Variants in NRG3 observed in about 807,000 individuals in gnomAD.
NRG3 encodes neuregulin 3.
NRG3 carries 31 observed loss-of-function variants against 66.9 expected under a neutral mutation model. The ratio of observed to expected loss-of-function variants is 0.46; its 90% CI spans 0.35 to 0.63. The LOEUF (loss-of-function observed/expected upper bound fraction) is 0.63, where lower values mean the gene tolerates loss of function less well. NRG3 is among the 20% of genes least tolerant of loss of function. The pLI is 0.00. For synonymous variants in NRG3, 393 were observed against 359.4 expected, an observed-to-expected ratio of 1.09 and a Z score of -1.06; for missense variants, 910 against 878.9, an observed-to-expected ratio of 1.04 and a Z score of -0.45.
chr10:82,694,096 T>C (rs2055173560), intron 2 of NRG3, among the ~76,000 whole-genome samples: 1 of 152,198 alleles, frequency 6.6e-6, no homozygotes, highest in South Asian at 2.1e-4. Context: ...CACGGAGCGC[T>C]GATTGGTGCG....
chr10:82,842,519 G>T (rs1376394892), intron 3 of NRG3, among the ~76,000 whole-genome samples: 1 of 152,150 alleles, frequency 6.6e-6, no homozygotes, highest in Non-Finnish European at 1.5e-5. Flanking sequence ...CTTCCTGTGT[G>T]CCTGAGAGGG....
intron 3 of NRG3, among the ~76,000 whole-genome samples, chr10:82,848,717 A>G (rs1345036961): frequency 1.3e-5 from 2 of 152,148 alleles, no homozygotes; most frequent in East Asian, 3.9e-4. Flanking sequence ...CATAATCCCC[A>G]CATATCATGG....
chr10:82,863,433 CA>C (rs1303689252), intron 3 of NRG3, among the ~76,000 whole-genome samples: 2 of 152,160 alleles, frequency 1.3e-5, no homozygotes, highest in African/African-American at 4.8e-5. Context: ...GAGGAATCGC[CA>C]CACTGCCTTC....
chr10:82,227,727 A>C (rs750383643), intron 1 of NRG3, among the ~76,000 whole-genome samples: 16 of 152,230 alleles, frequency 1.1e-4, no homozygotes, highest in Non-Finnish European at 1.9e-4. Flanking sequence ...AATATAAAAA[A>C]CATGGTGTTG....
At chr10:82,690,385 C>G (rs1458854124) in intron 2 of NRG3, among the ~76,000 whole-genome samples, 1 of 151,888 alleles carries the variant, frequency 6.6e-6, no homozygotes, top group Non-Finnish European at 1.5e-5. Flanking sequence ...AGGATTGCCC[C>G]CTTCAGCTCC....
intron 1 of NRG3, among the ~76,000 whole-genome samples, chr10:82,310,453 T>C (rs879301421): frequency 4.6e-5 from 7 of 152,192 alleles, no homozygotes; most frequent in Non-Finnish European, 7.3e-5. Context: ...AAAACAGTTT[T>C]TATACAACTA....
chr10:82,918,008 C>CTATA (rs1446216980), intron 4 of NRG3, among the ~76,000 whole-genome samples: 19 of 131,452 alleles, frequency 1.4e-4, no homozygotes, highest in Middle Eastern at 4.5e-3. Flanking sequence ...GTATGTATCT[C>CTATA]TCTCTATATA....
intron 1 of NRG3, among the ~76,000 whole-genome samples, chr10:81,965,610 A>G (rs1233916927): frequency 1.3e-5 from 2 of 152,022 alleles, no homozygotes; most frequent in African/African-American, 2.4e-5. Context: ...TGTCATTTCC[A>G]TAATTTTGTC....
intron 3 of NRG3, among the ~76,000 whole-genome samples, chr10:82,822,354 G>A (rs999116089): frequency 1.3e-5 from 2 of 152,050 alleles, no homozygotes; most frequent in Admixed American, 1.3e-4. Flanking sequence ...CTGGGCTCAG[G>A]AGAAGGGAAA....
chr10:82,807,641 T>C (rs2061342948), intron 3 of NRG3, among the ~76,000 whole-genome samples: 1 of 152,176 alleles, frequency 6.6e-6, no homozygotes, highest in Non-Finnish European at 1.5e-5. Flanking sequence ...GAATCTCAAG[T>C]GCCACCCCAA....
chr10:82,284,227 G>C (rs1175372332), intron 1 of NRG3, among the ~76,000 whole-genome samples: 2 of 152,222 alleles, frequency 1.3e-5, no homozygotes, highest in African/African-American at 2.4e-5. Context: ...GCTAATGCCA[G>C]CAAGCCCTTT....
chr10:82,739,786 A>C (rs1010636844), intron 3 of NRG3, among the ~76,000 whole-genome samples: 5 of 152,178 alleles, frequency 3.3e-5, no homozygotes, highest in Admixed American at 1.3e-4. Flanking sequence ...CCACAGGGAT[A>C]TCTCTATTTC....
chr10:82,759,561 T>C (rs2059220978), intron 3 of NRG3, among the ~76,000 whole-genome samples: 1 of 152,158 alleles, frequency 6.6e-6, no homozygotes, highest in African/African-American at 2.4e-5. Flanking sequence ...TTGGGAAGTC[T>C]TTCAAATGTC....
At chr10:82,362,031 A>G (rs1317025795) in intron 2 of NRG3, among the ~76,000 whole-genome samples, 1 of 149,234 alleles carries the variant, frequency 6.7e-6, no homozygotes. Flanking sequence ...AGGAACGATA[A>G]GAACACAATT....
intron 2 of NRG3, among the ~76,000 whole-genome samples, chr10:82,360,772 C>T (rs571207659): frequency 6.6e-6 from 1 of 152,082 alleles, no homozygotes; most frequent in African/African-American, 2.4e-5. Context: ...AGGCCTCCCT[C>T]CTTGACTTAT....
chr10:82,151,358 GA>G (rs1285658017), intron 1 of NRG3, among the ~76,000 whole-genome samples: 1 of 152,212 alleles, frequency 6.6e-6, no homozygotes, highest in Non-Finnish European at 1.5e-5. Flanking sequence ...GTACATGAAA[GA>G]AAAGATGCCT....
intron 1 of NRG3, among the ~76,000 whole-genome samples, chr10:82,148,523 C>G (rs2070436606): frequency 6.6e-6 from 1 of 151,656 alleles, no homozygotes; most frequent in African/African-American, 2.4e-5. Context: ...TTTTTCCTAC[C>G]TATTTGTCCA....
chr10:82,315,340 A>G (rs2081238425), intron 1 of NRG3, among the ~76,000 whole-genome samples: 1 of 152,204 alleles, frequency 6.6e-6, no homozygotes, highest in Non-Finnish European at 1.5e-5. Flanking sequence ...AGCAGAGCTG[A>G]TCTTTGCCTT....
At chr10:81,877,116 C>T (rs772472645) in intron 1 of NRG3, among the ~76,000 whole-genome samples, 2 of 152,146 alleles carry the variant, frequency 1.3e-5, no homozygotes, top group Non-Finnish European at 2.9e-5. Flanking sequence ...AACCTGGGCT[C>T]AGTATGAGCC....
Sources: gnomAD v4.1 joint callset for allele counts (sites outside exome capture counted in the v4.1 genomes callset) on GRCh38, gnomAD v4.1.1 for gene constraint, MANE v1.5 for transcripts, NCBI Gene and HGNC (gene_info 2026-07-23, HGNC 2026-07-21) for gene names.